Variants in FOXN3 observed in about 807,000 individuals in gnomAD.
FOXN3 encodes forkhead box protein N3.
Under a neutral mutation model 38.4 loss-of-function variants are expected in FOXN3, and 7 were observed. That is an observed-to-expected ratio of 0.18 (90% CI 0.10 to 0.34). FOXN3 has a LOEUF of 0.34. Ranked by LOEUF, FOXN3 falls within the 10% of genes least tolerant of loss-of-function variation. The pLI, the probability that FOXN3 is intolerant of heterozygous loss-of-function variation, is 1.00. For synonymous variants in FOXN3, 230 were observed against 242.2 expected (o/e 0.95, Z 0.47); for missense variants, 456 against 613.4 (o/e 0.74, Z 2.71).
chr14:89,330,824 T>G (rs1240258408), intron 3 of FOXN3, among the ~76,000 whole-genome samples: 1 of 152,178 alleles, frequency 6.6e-6, no homozygotes, highest in Non-Finnish European at 1.5e-5. Flanking sequence ...GATTCCAGAA[T>G]CAAGGCCACA....
intron 1 of FOXN3, among the ~76,000 whole-genome samples, chr14:89,441,654 A>G (rs533134497): frequency 6.6e-6 from 1 of 152,362 alleles, no homozygotes; most frequent in South Asian, 2.1e-4. Context: ...ATGGATATGC[A>G]AAGTCCCCAA....
At chr14:89,500,293 G>C (rs1039914165) in intron 1 of FOXN3, among the ~76,000 whole-genome samples, 1 of 152,188 alleles carries the variant, frequency 6.6e-6, no homozygotes, top group Admixed American at 6.5e-5. Flanking sequence ...CATCGGCACG[G>C]ATGGCCTAAG....
chr14:89,284,830 A>G (rs1414931539), intron 3 of FOXN3, among the ~76,000 whole-genome samples: 1 of 152,170 alleles, frequency 6.6e-6, no homozygotes, highest in African/African-American at 2.4e-5. Context: ...GCTGATCGTT[A>G]AGAGCAGCGC....
At chr14:89,356,893 T>C (rs978791599) in intron 2 of FOXN3, among the ~76,000 whole-genome samples, 3 of 152,210 alleles carry the variant, frequency 2.0e-5, no homozygotes, top group African/African-American at 7.2e-5. Flanking sequence ...GGAAACAGAA[T>C]AAGCCATGAG....
intron 3 of FOXN3, among the ~76,000 whole-genome samples, chr14:89,333,413 G>A (rs1325100036): frequency 9.9e-5 from 14 of 140,976 alleles, no homozygotes; most frequent in East Asian, 4.5e-4. Flanking sequence ...GCGAGACTCC[G>A]TCTCAAAAGA....
chr14:89,560,556 T>C (rs535499351), intron 1 of FOXN3, among the ~76,000 whole-genome samples: 438 of 152,314 alleles, frequency 2.9e-3, no homozygotes, highest in Middle Eastern at 0.014. Context: ...TAGTATACCT[T>C]ATCACTAATT....
At chr14:89,377,504 G>A (rs1890521347) in intron 2 of FOXN3, among the ~76,000 whole-genome samples, 1 of 152,182 alleles carries the variant, frequency 6.6e-6, no homozygotes, top group Non-Finnish European at 1.5e-5. Flanking sequence ...GAGGTGCCAT[G>A]ATGCCTAAAA....
intron 1 of FOXN3, among the ~76,000 whole-genome samples, chr14:89,467,804 G>GTTTT (rs68132432): frequency 0.019 from 1,097 of 56,570 alleles, 108 homozygotes; most frequent in East Asian, 0.043. Flanking sequence ...TTCTTTCTTT[G>GTTTT]TTTTTTTTTT....
At chr14:89,250,470 T>C (rs1194738210) in intron 4 of FOXN3, among the ~76,000 whole-genome samples, 1 of 152,208 alleles carries the variant, frequency 6.6e-6, no homozygotes, top group Non-Finnish European at 1.5e-5. Flanking sequence ...TAGTTGGTCA[T>C]GTGATAGCAA....
chr14:89,509,933 T>C (rs1894022243), intron 1 of FOXN3, among the ~76,000 whole-genome samples: 1 of 152,246 alleles, frequency 6.6e-6, no homozygotes, highest in Admixed American at 6.5e-5. Flanking sequence ...CATGCAAGTA[T>C]GGACATCATG....
At chr14:89,279,214 T>C (rs1181844911) in intron 4 of FOXN3, among the ~76,000 whole-genome samples, 1 of 152,204 alleles carries the variant, frequency 6.6e-6, no homozygotes, top group African/African-American at 2.4e-5. Flanking sequence ...GTGGATTCAA[T>C]AAGCATCTGA....
At chr14:89,525,921 G>C (rs447347) in intron 1 of FOXN3, among the ~76,000 whole-genome samples, 1 of 151,542 alleles carries the variant, frequency 6.6e-6, no homozygotes, top group Admixed American at 6.6e-5. Context: ...GATAATACAT[G>C]GCCAAGTGGA....
At chr14:89,489,248 A>C (rs1893521270) in intron 1 of FOXN3, among the ~76,000 whole-genome samples, 1 of 152,140 alleles carries the variant, frequency 6.6e-6, no homozygotes, top group South Asian at 2.1e-4. Flanking sequence ...CCTTCTTGGA[A>C]ATTTAAATAA....
At chr14:89,297,855 C>G (rs1162599317) in intron 3 of FOXN3, among the ~76,000 whole-genome samples, 1 of 151,882 alleles carries the variant, frequency 6.6e-6, no homozygotes, top group Non-Finnish European at 1.5e-5. Flanking sequence ...TGTGGTGGCA[C>G]ACACCTGTAG....
chr14:89,486,161 C>T (rs1025800791), intron 1 of FOXN3, among the ~76,000 whole-genome samples: 5 of 152,146 alleles, frequency 3.3e-5, no homozygotes, highest in African/African-American at 9.7e-5. Flanking sequence ...ACAACAGATA[C>T]TCAATACTTA....
At chr14:89,354,831 G>A (rs1019191436) in intron 2 of FOXN3, among the ~76,000 whole-genome samples, 4 of 151,722 alleles carry the variant, frequency 2.6e-5, no homozygotes, top group South Asian at 4.2e-4. Flanking sequence ...CTCCAGCCTG[G>A]GTGACAGAGT....
At chr14:89,519,444 C>T (rs1399474183) in intron 1 of FOXN3, among the ~76,000 whole-genome samples, 1 of 152,104 alleles carries the variant, frequency 6.6e-6, no homozygotes, top group Non-Finnish European at 1.5e-5. Flanking sequence ...ATTATGTACG[C>T]GTCAGAAGAG....
chr14:89,339,240 C>T (rs1888547616), intron 3 of FOXN3, among the ~76,000 whole-genome samples: 1 of 152,184 alleles, frequency 6.6e-6, no homozygotes, highest in Non-Finnish European at 1.5e-5. Flanking sequence ...TCCCAAAGTG[C>T]TGAGATTACA....
At chr14:89,542,816 G>T (rs981570277) in intron 1 of FOXN3, among the ~76,000 whole-genome samples, 1 of 152,188 alleles carries the variant, frequency 6.6e-6, no homozygotes, top group African/African-American at 2.4e-5. Flanking sequence ...AAGAGGCAAG[G>T]AAACACATTT....
Sources: allele counts gnomAD v4.1 joint callset (sites outside exome capture counted in the v4.1 genomes callset), GRCh38; gene constraint gnomAD v4.1.1; transcripts MANE v1.5; gene names NCBI Gene and HGNC (gene_info 2026-07-23, HGNC 2026-07-21).